Variants in RSF1 observed in about 807,000 individuals in gnomAD.
The protein encoded by RSF1 is HBV pX-associated protein 8.
A neutral mutation model predicts 145.2 loss-of-function variants in RSF1; 13 were observed. The observed-to-expected ratio is 0.09, with a 90% CI of 0.06 to 0.14. The LOEUF (loss-of-function observed/expected upper bound fraction) is 0.14, where lower values mean the gene tolerates loss of function less well. Ranked by LOEUF, RSF1 falls within the 10% of genes least tolerant of loss-of-function variation. RSF1 has a pLI of 1.00. For synonymous variants in RSF1, 577 were observed against 592.6 expected, an observed-to-expected ratio of 0.97 and a Z score of 0.38; for missense variants, 1,517 against 1,718.2, an observed-to-expected ratio of 0.88 and a Z score of 2.07.
Position 77,701,865 on chromosome 11 carries a change from A to G in RSF1, c.1364T>C (p.Phe455Ser), listed in dbSNP as rs1960433921. 3.1e-6 allele frequency: 5 copies of G among 1,613,942 alleles called. No homozygotes were observed. In the South Asian group the frequency reaches 5.5e-5, roughly 18 times the overall value. Residue 455 changes from phenylalanine to serine, a missense_variant, in exon 6 of 16, where the codon TTT becomes TCT. Physicochemically the swap from Phe to Ser is radical, Grantham distance 155. Coordinates refer to ENST00000308488, the MANE Select transcript of RSF1 (RefSeq NM_016578.4). ...CTTTGTCTCTATTGGTTCTGTCTTAAAATTTGGAGCTACCCTTTCATCACT... is the reference window on the plus strand; with the variant it reads ...CTTTGTCTCTATTGGTTCTGTCTTAGAATTTGGAGCTACCCTTTCATCACT... ...EVSDERVAPN[F>S]KTEPIETKFY...
chr11:77,718,317 G>GA (rs567869883), intron 5 of RSF1: 192 of 148,198 alleles, frequency 1.3e-3, no homozygotes, highest in Middle Eastern at 6.9e-3. Context: ...AGAAAAAAAA[G>GA]AAAAAAAAAC....
the RSF1 span, chr11:77,842,362 C>A: frequency 1.0e-6 from 1 of 984,072 alleles, no homozygotes; most frequent in Non-Finnish European, 1.5e-6. Context: ...GTAACAACCA[C>A]GTAAATGAAA....
chr11:77,758,164 G>T (rs887500817), intron 2 of RSF1, among the ~76,000 whole-genome samples: 3 of 150,628 alleles, frequency 2.0e-5, no homozygotes, highest in African/African-American at 2.4e-5. Flanking sequence ...AAAGAAGGTA[G>T]ATTCAGATTG....
At chr11:77,854,358 A>T in the RSF1 span, among the ~76,000 whole-genome samples, 1 of 152,160 alleles carries the variant, frequency 6.6e-6, no homozygotes, top group Non-Finnish European at 1.5e-5. Flanking sequence ...CTCATCTCAT[A>T]CAAGGCAAGT....
chr11:77,866,234 A>C, the RSF1 span, among the ~76,000 whole-genome samples: 2 of 152,328 alleles, frequency 1.3e-5, no homozygotes, highest in East Asian at 3.9e-4. Context: ...GGCATAATGG[A>C]TATTAGCTGG....
intron 1 of RSF1, among the ~76,000 whole-genome samples, chr11:77,802,486 G>C (rs1948635644): frequency 6.6e-6 from 1 of 152,152 alleles, no homozygotes; most frequent in Non-Finnish European, 1.5e-5. Flanking sequence ...TGGTGTCAGA[G>C]TATTCTGTGG....
rs960393746 is a variant in RSF1 at position 77,662,559 on chromosome 11, G to A, written c.*4358C>T. ...AAGATGTTAAAAGATAATTTAAGTT[G>A]GAGCAAAACATTTTGAAAACAAATT... On this transcript the variant is annotated 3_prime_UTR_variant, in exon 16 of 16. Coordinates refer to ENST00000308488, the MANE Select transcript of RSF1 (RefSeq NM_016578.4). The A allele has an allele frequency of 2.5e-5, 3 of 119,370 alleles. No individual in the cohort carries two copies. The East Asian group carries it at 7.1e-4, about 28-fold the overall frequency. 7.4% of individuals were successfully genotyped at this position (119,370 alleles called of 1,614,324 possible).
intron 5 of RSF1, among the ~76,000 whole-genome samples, chr11:77,723,202 T>G (rs181611847): frequency 1.3e-3 from 191 of 152,330 alleles, no homozygotes; most frequent in African/African-American, 4.4e-3. Flanking sequence ...CTCATTCCTA[T>G]AATCCCAGCA....
intron 8 of RSF1, among the ~76,000 whole-genome samples, chr11:77,691,994 G>A (rs1045769238): frequency 2.0e-5 from 3 of 152,062 alleles, no homozygotes; most frequent in Non-Finnish European, 2.9e-5. Flanking sequence ...AGGTTCAAGC[G>A]ATTCTGGTGC....
upstream of RSF1, among the ~76,000 whole-genome samples, chr11:77,823,050 T>G (rs1202852504): frequency 6.6e-6 from 1 of 151,762 alleles, no homozygotes; most frequent in Admixed American, 6.6e-5. Flanking sequence ...CCGTCTCTAC[T>G]AAAAATACAA....
chr11:77,667,131 G>T lies in RSF1; in HGVS notation c.4112C>A (p.Thr1371Asn). The stretch of plus-strand genomic sequence containing the variant: ...GGCTTTGCCAGGGCTCTGTCCATTG[G>T]TTGAAGGTAAGTCCACTAAGCTATA... ...LDYSLVDLPS[T>N]NGQSPGKAIE... The change falls in exon 16 of 16, where the codon ACC (threonine) becomes AAC (asparagine). Residue 1371 changes from threonine (T) to asparagine (N), a missense_variant. Physicochemically the swap from Thr to Asn is moderately conservative, Grantham distance 65 (BLOSUM62 0). Transcript: ENST00000308488. 4 of 1,614,184 alleles carry T rather than the reference G, an allele frequency of 2.5e-6. No homozygotes were observed. In the East Asian group the frequency reaches 6.7e-5, roughly 27 times the overall value.
chr11:77,800,175 T>C (rs1948612784), intron 1 of RSF1, among the ~76,000 whole-genome samples: 2 of 151,936 alleles, frequency 1.3e-5, no homozygotes, highest in South Asian at 4.2e-4. Context: ...AATAAATAAA[T>C]AAATAAAAAT....
chr11:77,743,780 T>G (rs939413137), intron 3 of RSF1, among the ~76,000 whole-genome samples: 1 of 152,224 alleles, frequency 6.6e-6, no homozygotes, highest in African/African-American at 2.4e-5. Flanking sequence ...TGGGTGTCCT[T>G]GTCTTGCTCC....
chr11:77,864,362 C>T, the RSF1 span, among the ~76,000 whole-genome samples: 1 of 151,492 alleles, frequency 6.6e-6, no homozygotes, highest in African/African-American at 2.4e-5. Context: ...ATCGCTTGAA[C>T]CCGGGAGTCG....
At chr11:77,820,774 G>A, upstream of RSF1, 1 of 1,486,778 alleles carries the variant, frequency 6.7e-7, no homozygotes, top group Non-Finnish European at 9.0e-7. Context: ...TGGTGCCGAG[G>A]GATGGCAAGG....
intron 1 of RSF1, among the ~76,000 whole-genome samples, chr11:77,789,059 A>C (rs1297919048): frequency 6.6e-6 from 1 of 152,220 alleles, no homozygotes; most frequent in Non-Finnish European, 1.5e-5. Context: ...AATTCAACAG[A>C]AAAATGACAG....
In RSF1 at chr11:77,671,988, T is replaced by C. The variant is rs1297036622; in HGVS notation, c.3751+54A>G. 8.4e-6 allele frequency: 12 copies of C among 1,426,640 alleles called. No homozygotes were observed. In the Admixed American group the frequency reaches 1.8e-4, roughly 21 times the overall value. 88.4% of individuals were successfully genotyped at this position (1,426,640 alleles called of 1,614,324 possible). The stretch of plus-strand genomic sequence containing the variant: ...GAATCACAATCCTGAGTTCACTTTA[T>C]AATGTCTATTTTGCCCTGTCCAAAC... On this transcript the variant is annotated intron_variant, in intron 15 of 15. Coordinates refer to ENST00000308488, the MANE Select transcript of RSF1 (RefSeq NM_016578.4).
Position 77,685,264 on chromosome 11 carries a change from A to T in RSF1, c.2901-105T>A, listed in dbSNP as rs569935931. 38 of 571,664 alleles carry T rather than the reference A, an allele frequency of 6.6e-5. No individual in the cohort carries two copies. In the South Asian group the frequency reaches 1.2e-3, roughly 17 times the overall value. The allele number at this position is 571,664 out of a possible 1,614,324, so 35.4% of individuals were successfully genotyped here. A position where few individuals can be genotyped will look rare whatever the true frequency, so the allele number is the denominator to read the frequency against. On this transcript the variant is annotated intron_variant, in intron 9 of 15. Coordinates refer to ENST00000308488, the MANE Select transcript of RSF1 (RefSeq NM_016578.4). The stretch of plus-strand genomic sequence containing the variant: ...GTTAAAATTACAATTTCACGTTAAC[A>T]GCAGAGGGTAAGTCACAGAAATGTT...
At chr11:77,833,065 G>A in the RSF1 span, among the ~76,000 whole-genome samples, 1 of 137,630 alleles carries the variant, frequency 7.3e-6, no homozygotes, top group East Asian at 2.2e-4. Flanking sequence ...AGGCTGGAGT[G>A]CAATGGCAGA....
Sources: allele counts gnomAD v4.1 joint callset (sites outside exome capture counted in the v4.1 genomes callset), GRCh38; gene constraint gnomAD v4.1.1; transcripts MANE v1.5; gene names NCBI Gene and HGNC (gene_info 2026-07-23, HGNC 2026-07-21).